ERC1: variants seen among roughly 807,000 people sequenced by gnomAD.
ERC1 encodes ELKS/RAB6-interacting/CAST family member 1.
In ERC1, 56 loss-of-function variants were observed where a neutral mutation model predicts 132.0. The observed-to-expected ratio is 0.42, with a 90% CI of 0.34 to 0.53. The LOEUF is 0.53. Among genes scored for constraint, ERC1 ranks in the 20% least tolerant of loss-of-function variants. The pLI, the probability that ERC1 is intolerant of heterozygous loss-of-function variation, is 0.03. For synonymous variants in ERC1, 478 were observed against 476.1 expected, an observed-to-expected ratio of 1.00 and a Z score of -0.05; for missense variants, 1,202 against 1,349.9, an observed-to-expected ratio of 0.89 and a Z score of 1.72.
At chr12:1,263,794 A>T (rs2077294196) in intron 14 of ERC1, among the ~76,000 whole-genome samples, 1 of 151,816 alleles carries the variant, frequency 6.6e-6, no homozygotes, top group Admixed American at 6.6e-5. Flanking sequence ...GGTTCAAGTG[A>T]TTCTCCTGCC....
intron 12 of ERC1, among the ~76,000 whole-genome samples, chr12:1,221,376 A>G (rs1486336169): frequency 6.6e-6 from 1 of 152,234 alleles, no homozygotes; most frequent in Non-Finnish European, 1.5e-5. Flanking sequence ...AAATTAGTGT[A>G]GTAGTGAGAA....
chr12:1,484,128 A>AC (rs887822825), intron 18 of ERC1, among the ~76,000 whole-genome samples: 3 of 149,484 alleles, frequency 2.0e-5, no homozygotes, highest in Admixed American at 6.6e-5. Flanking sequence ...ACATGGTGAA[A>AC]CCCCATCTCT....
At chr12:1,251,688 A>G (rs1264214440) in intron 13 of ERC1, among the ~76,000 whole-genome samples, 1 of 152,174 alleles carries the variant, frequency 6.6e-6, no homozygotes, top group Non-Finnish European at 1.5e-5. Context: ...ACGGCTTAAC[A>G]TTACTTTTTA....
At chr12:1,394,044 ACC>A (rs148404389) in intron 16 of ERC1, among the ~76,000 whole-genome samples, 11,166 of 72,072 alleles carry the variant, frequency 0.15, 1,215 homozygotes, top group Middle Eastern at 0.28. Flanking sequence ...CAAAAAAAAA[ACC>A]ACAAAGCATT....
At chr12:1,367,411 G>C (rs1238713499) in intron 15 of ERC1, among the ~76,000 whole-genome samples, 1 of 152,180 alleles carries the variant, frequency 6.6e-6, no homozygotes, top group Non-Finnish European at 1.5e-5. Flanking sequence ...AGTTGGAGGA[G>C]GAGCGAATAA....
intron 18 of ERC1, among the ~76,000 whole-genome samples, chr12:1,478,438 A>G (rs929872224): frequency 6.6e-6 from 1 of 152,202 alleles, no homozygotes; most frequent in Non-Finnish European, 1.5e-5. Context: ...GGATATGCAT[A>G]CATCAGATAT....
chr12:1,274,791 G>T (rs998070348), intron 14 of ERC1, among the ~76,000 whole-genome samples: 2 of 152,028 alleles, frequency 1.3e-5, no homozygotes, highest in South Asian at 4.1e-4. Context: ...GTGCCTAGCT[G>T]GAGGGCATCT....
chr12:1,245,467 GTTTA>G (rs1239643272), intron 13 of ERC1, among the ~76,000 whole-genome samples: 2 of 152,106 alleles, frequency 1.3e-5, no homozygotes, highest in Admixed American at 6.5e-5. Context: ...CTTGTACTGT[GTTTA>G]TTTAATTCAG....
chr12:1,436,155 G>GACACACACACAC (rs139467911), intron 17 of ERC1, among the ~76,000 whole-genome samples: 18 of 148,630 alleles, frequency 1.2e-4, no homozygotes, highest in African/African-American at 3.2e-4. Flanking sequence ...CAGACAGACG[G>GACACACACACAC]ACACACACAC....
At chr12:1,094,262 T>G (rs1235925951) in intron 3 of ERC1, among the ~76,000 whole-genome samples, 1 of 151,200 alleles carries the variant, frequency 6.6e-6, no homozygotes, top group Non-Finnish European at 1.5e-5. Context: ...CAAGTGATCC[T>G]CCCGGCTCGG....
intron 15 of ERC1, among the ~76,000 whole-genome samples, chr12:1,370,261 T>C (rs185545413): frequency 6.6e-6 from 1 of 152,332 alleles, no homozygotes; most frequent in East Asian, 1.9e-4. Context: ...CCCCACTAAA[T>C]CCACCTTTTT....
intron 13 of ERC1, among the ~76,000 whole-genome samples, chr12:1,262,012 AAAGGACTTACAAAAGTGGGC>A (rs2077174585): frequency 6.6e-6 from 1 of 152,236 alleles, no homozygotes. Context: ...CAGTTGTCAA[AAAGGACTTACAAAAGTGGGC>A]TGTGGTATAA....
intron 3 of ERC1, among the ~76,000 whole-genome samples, chr12:1,093,980 TA>T (rs1443560811): frequency 3.0e-5 from 4 of 132,980 alleles, no homozygotes; most frequent in African/African-American, 1.1e-4. Context: ...TATATATATA[TA>T]TATAGAAAAA....
intron 14 of ERC1, among the ~76,000 whole-genome samples, chr12:1,277,058 C>T (rs11833020): frequency 0.032 from 4,793 of 152,126 alleles, 234 homozygotes; most frequent in African/African-American, 0.11. Context: ...AGAATGGTAG[C>T]CAGAGTGGAA....
At chr12:1,466,005 C>G (rs2093735311) in intron 18 of ERC1, among the ~76,000 whole-genome samples, 1 of 152,162 alleles carries the variant, frequency 6.6e-6, no homozygotes, top group South Asian at 2.1e-4. Context: ...GGAGTTGGAT[C>G]TCAGAAGGCG....
chr12:1,378,953 C>T (rs971806284), intron 16 of ERC1, among the ~76,000 whole-genome samples: 5 of 152,148 alleles, frequency 3.3e-5, no homozygotes, highest in African/African-American at 1.2e-4. Context: ...AAGGGAAGCA[C>T]ATCACAAAGA....
intron 3 of ERC1, among the ~76,000 whole-genome samples, chr12:1,096,345 CA>C (rs1191105131): frequency 6.6e-6 from 1 of 152,034 alleles, no homozygotes; most frequent in Non-Finnish European, 1.5e-5. Context: ...TTAAAAAATG[CA>C]GTTTTAATAT....
rs147699832 is a variant in ERC1, at chr12:1,241,479, CA to C, written c.2487+4582del. Among the ~76,000 whole-genome samples the C allele has an allele frequency of 3.2e-3, 491 of 151,902 alleles. 2 individuals are homozygous for C. Among genetic ancestry groups the C allele is most frequent in the African/African-American group, 0.011 (454 of 41,446 alleles). ...AGATTTTGTTGTTTAAACATCTTTT[CA>C]AAAAAATCTTTTAAATTGCTTATCT... On this transcript the variant is annotated intron_variant, in intron 13 of 18. Transcript: ENST00000360905.
chr12:1,339,992 CAA>C (rs1446321133), intron 15 of ERC1, among the ~76,000 whole-genome samples: 2 of 152,128 alleles, frequency 1.3e-5, no homozygotes, highest in Non-Finnish European at 2.9e-5. Flanking sequence ...CATGTGCTGG[CAA>C]AGAGATGTGG....
Sources: gnomAD v4.1 joint callset for allele counts (sites outside exome capture counted in the v4.1 genomes callset) on GRCh38, gnomAD v4.1.1 for gene constraint, MANE v1.5 for transcripts, NCBI Gene and HGNC (gene_info 2026-07-23, HGNC 2026-07-21) for gene names.